CHIC2: variants seen among roughly 807,000 people sequenced by gnomAD.
CHIC2 encodes the protein cysteine rich hydrophobic domain 2, also known as cysteine-rich hydrophobic domain-containing protein 2.
Under a neutral mutation model 25.9 loss-of-function variants are expected in CHIC2, and 14 were observed. That is an observed-to-expected ratio of 0.54 (90% CI 0.36 to 0.85). CHIC2 has a LOEUF of 0.85. CHIC2 is among the 40% of genes least tolerant of loss of function. CHIC2 has a pLI of 0.01. For synonymous variants in CHIC2, 70 were observed against 72.0 expected (o/e 0.97, Z 0.14); for missense variants, 146 against 202.0 (o/e 0.72, Z 1.68).
At chr4:54,046,333 G>A (rs983855559) in intron 3 of CHIC2, among the ~76,000 whole-genome samples, 53 of 152,040 alleles carry the variant, frequency 3.5e-4, no homozygotes, top group East Asian at 3.9e-4. Flanking sequence ...AAAAGAGCCC[G>A]CATCGCCAAG....
chr4:54,063,965 G>T (rs2110097008), intron 1 of CHIC2, among the ~76,000 whole-genome samples: 1 of 152,344 alleles, frequency 6.6e-6, no homozygotes, highest in African/African-American at 2.4e-5. Flanking sequence ...CGGGCCTGTA[G>T]GGCCTGCTAA....
At chr4:54,065,073 T>C (rs992990445), upstream of CHIC2, among the ~76,000 whole-genome samples, 1 of 152,270 alleles carries the variant, frequency 6.6e-6, no homozygotes, top group South Asian at 2.1e-4. Flanking sequence ...GTTTTGAGTC[T>C]ATGATGAGAA....
At chr4:54,032,220 G>C (rs1256484539) in intron 3 of CHIC2, among the ~76,000 whole-genome samples, 1 of 152,180 alleles carries the variant, frequency 6.6e-6, no homozygotes, top group East Asian at 1.9e-4. Flanking sequence ...TTATAAAGGA[G>C]ATAAGACAAC....
At chr4:54,072,750 T>G in the CHIC2 span, among the ~76,000 whole-genome samples, 2 of 152,178 alleles carry the variant, frequency 1.3e-5, no homozygotes, top group African/African-American at 4.8e-5. Flanking sequence ...CAAGTCTACT[T>G]CTTCTATATG....
At chr4:54,088,175 C>G in the CHIC2 span, among the ~76,000 whole-genome samples, 7 of 152,008 alleles carry the variant, frequency 4.6e-5, no homozygotes, top group Non-Finnish European at 1.0e-4. Context: ...ACCCAAAAAC[C>G]CATGCATTTG....
the CHIC2 span, among the ~76,000 whole-genome samples, chr4:54,082,369 C>G: frequency 2.0e-5 from 3 of 152,224 alleles, no homozygotes; most frequent in African/African-American, 7.2e-5. Context: ...AAACATCTGG[C>G]TGCTCCACTG....
chr4:54,080,688 C>A, the CHIC2 span, among the ~76,000 whole-genome samples: 1 of 150,592 alleles, frequency 6.6e-6, no homozygotes, highest in South Asian at 2.1e-4. Context: ...ATTGCTTGAA[C>A]CCAGGAGGTG....
the CHIC2 span, among the ~76,000 whole-genome samples, chr4:54,089,577 G>A: frequency 2.0e-5 from 3 of 152,082 alleles, no homozygotes; most frequent in African/African-American, 4.8e-5. Flanking sequence ...TTCCTATGTT[G>A]TATTTAATCA....
In CHIC2 at chr4:54,033,637, TAG is replaced by T. The variant is rs151139462; in HGVS notation, c.330+15316_330+15317del. 7.9e-3 allele frequency among the ~76,000 whole-genome samples: 1,205 copies of T among 152,290 alleles called. 34 individuals are homozygous for T. The highest frequency in any genetic ancestry group is 0.05 in the Admixed American group (762 of 15,304). ...AGGATTTTTCTCCTATGTTTTCTTC[TAG>T]AGTTTTATAGGTTTAGGTTTTACAT... On this transcript the variant is annotated intron_variant, in intron 3 of 5. Transcript: ENST00000263921.
intron 3 of CHIC2, among the ~76,000 whole-genome samples, chr4:54,036,866 CAAAAAA>C (rs879547622): frequency 7.3e-6 from 1 of 136,862 alleles, no homozygotes. Context: ...AATTTTTACT[CAAAAAA>C]AAAAAAAGTG....
intron 5 of CHIC2, among the ~76,000 whole-genome samples, chr4:54,010,610 G>A (rs1296803343): frequency 6.6e-6 from 1 of 152,118 alleles, no homozygotes; most frequent in Non-Finnish European, 1.5e-5. Flanking sequence ...TCACAGATGA[G>A]GAAACTGATG....
chr4:54,021,865 C>T (rs1269262016), intron 3 of CHIC2, among the ~76,000 whole-genome samples: 1 of 151,976 alleles, frequency 6.6e-6, no homozygotes, highest in Non-Finnish European at 1.5e-5. Context: ...AGATTCTGGC[C>T]CTCAAACCCC....
chr4:54,026,569 T>C (rs1716064185), intron 3 of CHIC2, among the ~76,000 whole-genome samples: 1 of 152,202 alleles, frequency 6.6e-6, no homozygotes, highest in Non-Finnish European at 1.5e-5. Context: ...AGATATGTTA[T>C]GGATATTTTA....
At chr4:54,039,268 G>T (rs371191693) in intron 3 of CHIC2, among the ~76,000 whole-genome samples, 1 of 152,018 alleles carries the variant, frequency 6.6e-6, no homozygotes, top group Non-Finnish European at 1.5e-5. Context: ...TTGTTCCGCC[G>T]AAGACATTGT....
intron 5 of CHIC2, 45 bp from the exon 6 acceptor site, chr4:54,010,190 T>G: frequency 7.0e-7 from 1 of 1,433,886 alleles, no homozygotes. Flanking sequence ...TAAACAAAAT[T>G]TTTTCTTAAA....
chr4:54,079,174 G>A, the CHIC2 span, among the ~76,000 whole-genome samples: 5 of 152,016 alleles, frequency 3.3e-5, no homozygotes, highest in Admixed American at 6.6e-5. Context: ...CTGAGATTGC[G>A]CCACTGCACA....
At chr4:54,064,674 C>T (rs1717461580), upstream of CHIC2, 1 of 1,027,770 alleles carries the variant, frequency 9.7e-7, no homozygotes, top group Non-Finnish European at 1.2e-6. This position sits in a 1 kb window ranked among gnomAD's most constrained non-coding sequence, Gnocchi z 4.2. Context: ...CCCGGGCCAA[C>T]GGGCGGGCGG....
upstream of CHIC2, among the ~76,000 whole-genome samples, chr4:54,066,862 G>A (rs1717530082): frequency 6.6e-6 from 1 of 152,168 alleles, no homozygotes; most frequent in African/African-American, 2.4e-5. Flanking sequence ...AGTATGTCCT[G>A]GCACAGCCCA....
At chr4:54,043,065 C>T (rs1716629791) in intron 3 of CHIC2, among the ~76,000 whole-genome samples, 1 of 152,062 alleles carries the variant, frequency 6.6e-6, no homozygotes, top group African/African-American at 2.4e-5. Context: ...AATCCCAGCA[C>T]TTAGAGAGGC....
Sources: allele counts gnomAD v4.1 joint callset (sites outside exome capture counted in the v4.1 genomes callset), GRCh38; gene constraint gnomAD v4.1.1; non-coding constraint Gnocchi (gnomAD v3.1); transcripts MANE v1.5; gene names NCBI Gene and HGNC (gene_info 2026-07-23, HGNC 2026-07-21).